Variants in ZDHHC11B observed in about 807,000 individuals in gnomAD.
ZDHHC11B encodes the protein zDHHC palmitoyltransferase 11B (putative).
Under a neutral mutation model 42.3 loss-of-function variants are expected in ZDHHC11B, and 17 were observed. The observed-to-expected ratio is 0.40, with a 90% CI of 0.27 to 0.60. ZDHHC11B has a LOEUF of 0.60. ZDHHC11B is among the 20% of genes least tolerant of loss of function. The pLI, the probability that ZDHHC11B is intolerant of heterozygous loss-of-function variation, is 0.41. For missense variants in ZDHHC11B, 262 were observed against 463.2 expected (o/e 0.57, Z 3.99); for synonymous variants, 123 against 193.5 (o/e 0.64, Z 3.02).
intron 12 of ZDHHC11B, among the ~76,000 whole-genome samples, chr5:729,860 T>A (rs1375967254): frequency 6.6e-6 from 1 of 151,696 alleles, no homozygotes; most frequent in African/African-American, 2.4e-5. Context: ...GAGAAGTGTA[T>A]CCTGTACTTG....
intron 10 of ZDHHC11B, among the ~76,000 whole-genome samples, chr5:734,089 C>T (rs1395739315): frequency 7.0e-6 from 1 of 142,620 alleles, no homozygotes; most frequent in East Asian, 2.0e-4. Context: ...GCAGTCCCTC[C>T]ACCCACCGTG....
intron 1 of ZDHHC11B, among the ~76,000 whole-genome samples, chr5:770,486 G>T (rs1369656820): frequency 2.0e-5 from 3 of 150,918 alleles, no homozygotes; most frequent in Non-Finnish European, 4.5e-5. Flanking sequence ...GCCTATTCCG[G>T]GTCCCCTCCC....
intron 12 of ZDHHC11B, among the ~76,000 whole-genome samples, chr5:724,148 T>C (rs1487818414): frequency 6.6e-6 from 1 of 151,694 alleles, no homozygotes; most frequent in African/African-American, 2.4e-5. Context: ...GCTCCCTCAC[T>C]CAGTTCCCCT....
At chr5:764,163 A>G in intron 4 of ZDHHC11B, among the ~76,000 whole-genome samples, 1 of 151,926 alleles carries the variant, frequency 6.6e-6, no homozygotes, top group East Asian at 1.9e-4. Context: ...TTTACCAGAG[A>G]CTTGCCCGGG....
intron 5 of ZDHHC11B, among the ~76,000 whole-genome samples, 158 bp from the exon 6 acceptor site, chr5:755,257 G>A (rs1345106234): frequency 6.0e-3 from 802 of 133,244 alleles, no homozygotes; most frequent in African/African-American, 0.021. Context: ...GGGGGAGGGT[G>A]TTGAGGCCTG....
At position 752,105 on chromosome 5, in the gene ZDHHC11B, T is replaced by A. The variant is rs2127100478; in HGVS notation, c.504-848A>T. Among the ~76,000 whole-genome samples, 2 of 123,368 alleles carry A rather than the reference T, an allele frequency of 1.6e-5. 1 individual carries two copies. Among genetic ancestry groups the A allele is most frequent in the Middle Eastern group, 8.5e-3 (2 of 234 alleles). The allele number at this position is 123,368 out of a possible 152,430, so 80.9% of individuals were successfully genotyped here. On this transcript the variant is annotated intron_variant, in intron 6 of 13. Coordinates refer to ENST00000508859, the MANE Select transcript of ZDHHC11B (RefSeq NM_001351303.2). Reference sequence around the variant, plus strand: ...TCCCCTCAGGGGGCCCTGAGCATGGTCTGTGCTGGGGTCTCCATGGCACCA... The same window carrying A: ...TCCCCTCAGGGGGCCCTGAGCATGGACTGTGCTGGGGTCTCCATGGCACCA...
chr5:745,338 C>T (rs775046108), intron 8 of ZDHHC11B, 40 bp from the exon 9 acceptor site: 77 of 1,554,362 alleles, frequency 5.0e-5, no homozygotes, highest in Non-Finnish European at 6.0e-5. Context: ...GTTACCAGCC[C>T]TGCGGCTTTG....
intron 11 of ZDHHC11B, among the ~76,000 whole-genome samples, chr5:733,221 C>T (rs1458716543): frequency 1.3e-5 from 2 of 148,950 alleles, no homozygotes; most frequent in African/African-American, 4.9e-5. Context: ...ATACAACTGA[C>T]CACACACTAC....
At chr5:780,726 C>T (rs1247899438) in intron 1 of ZDHHC11B, among the ~76,000 whole-genome samples, 2 of 150,914 alleles carry the variant, frequency 1.3e-5, no homozygotes, top group Non-Finnish European at 2.9e-5. Context: ...GCGAAGGTGG[C>T]AGGAACAAGC....
At chr5:770,769 G>A (rs879396126) in intron 1 of ZDHHC11B, among the ~76,000 whole-genome samples, 1 of 152,024 alleles carries the variant, frequency 6.6e-6, no homozygotes, top group Non-Finnish European at 1.5e-5. Context: ...GACTGCCAGT[G>A]TGCAGGGCTG....
intron 8 of ZDHHC11B, among the ~76,000 whole-genome samples, chr5:746,040 G>A (rs1164958848): frequency 2.7e-5 from 4 of 149,852 alleles, no homozygotes; most frequent in Non-Finnish European, 5.9e-5. Flanking sequence ...CCTGCAGGCA[G>A]CAAAGCAGCC....
At chr5:759,845 G>A (rs1251643928) in intron 4 of ZDHHC11B, among the ~76,000 whole-genome samples, 23 of 152,008 alleles carry the variant, frequency 1.5e-4, no homozygotes, top group East Asian at 3.9e-4. Flanking sequence ...AGAGCCGCCC[G>A]GGTCCCTGCA....
intron 4 of ZDHHC11B, among the ~76,000 whole-genome samples, chr5:766,487 T>G (rs1344057832): frequency 6.6e-6 from 1 of 151,852 alleles, no homozygotes; most frequent in Admixed American, 6.6e-5. Flanking sequence ...AATGGCCTGA[T>G]GTGGGGTCAG....
chr5:741,399 G>C (rs1744143083), intron 10 of ZDHHC11B, among the ~76,000 whole-genome samples, 195 bp downstream of exon 10: 1 of 147,866 alleles, frequency 6.8e-6, no homozygotes, highest in African/African-American at 2.5e-5. Flanking sequence ...CTGCAAGTAA[G>C]ACAAGCACAT....
In ZDHHC11B at chr5:767,491, G is replaced by A. The variant is rs1400266416; in HGVS notation, c.-100C>T. 26 of 1,519,676 alleles carry A rather than the reference G, an allele frequency of 1.7e-5. 1 individual carries two copies. The highest frequency in any genetic ancestry group is 4.6e-5 in the East Asian group (2 of 43,932). The allele number at this position is 1,519,676 out of a possible 1,614,324, so 94.1% of individuals were successfully genotyped here. On this transcript the variant is annotated 5_prime_UTR_variant, in exon 3 of 14. Coordinates refer to ENST00000508859, the MANE Select transcript of ZDHHC11B (RefSeq NM_001351303.2). ...GCCAAATGCTGAATTATTCTGCATCGAAAGCGCAGTAGTGGCACTGGAGAG... is the reference window on the plus strand; with the variant it reads ...GCCAAATGCTGAATTATTCTGCATCAAAAGCGCAGTAGTGGCACTGGAGAG...
chr5:713,598 T>C (rs1185497411), intron 13 of ZDHHC11B, among the ~76,000 whole-genome samples: 4 of 152,026 alleles, frequency 2.6e-5, no homozygotes, highest in Non-Finnish European at 4.4e-5. Context: ...TCAGAAGGAA[T>C]TATGCTTGGC....
intron 1 of ZDHHC11B, among the ~76,000 whole-genome samples, chr5:774,220 A>G (rs1736281000): frequency 6.6e-6 from 1 of 152,090 alleles, no homozygotes; most frequent in Non-Finnish European, 1.5e-5. Context: ...AAATGCCTTC[A>G]GACTGGACAC....
rs373912503 is a variant in ZDHHC11B at position 711,210 on chromosome 5, C to T, written c.*1080G>A. ...CCATTTCCCAGTGCTGTGCCCTCCC[C>T]TTTCCCAGTACTGTGCTCCCATTTC... On this transcript the variant is annotated 3_prime_UTR_variant, in exon 14 of 14. Coordinates refer to ENST00000508859, the MANE Select transcript of ZDHHC11B (RefSeq NM_001351303.2). 1.4e-3 allele frequency: 181 copies of T among 127,944 alleles called. No homozygotes were observed. Among genetic ancestry groups the T allele is most frequent in the African/African-American group, 5.4e-3 (174 of 32,438 alleles). 7.9% of individuals were successfully genotyped at this position (127,944 alleles called of 1,614,324 possible).
intron 12 of ZDHHC11B, among the ~76,000 whole-genome samples, chr5:720,243 T>C (rs1489120214): frequency 2.6e-5 from 4 of 151,946 alleles, no homozygotes; most frequent in African/African-American, 9.7e-5. Flanking sequence ...TGTCAAGGCA[T>C]AGACAACGAG....
Sources: allele counts gnomAD v4.1 joint callset (sites outside exome capture counted in the v4.1 genomes callset), GRCh38; gene constraint gnomAD v4.1.1; transcripts MANE v1.5; gene names NCBI Gene and HGNC (gene_info 2026-07-23, HGNC 2026-07-21).